The following USP13 variants were observed in gnomAD, a reference collection of about 807,000 sequenced individuals.
USP13 encodes the protein ubiquitin carboxyl-terminal hydrolase 13.
A neutral mutation model predicts 107.8 loss-of-function variants in USP13; 68 were observed. The observed-to-expected ratio is 0.63, with a 90% CI of 0.52 to 0.77. The LOEUF (loss-of-function observed/expected upper bound fraction) is 0.77, where lower values mean the gene tolerates loss of function less well. Ranked by LOEUF, USP13 falls within the 30% of genes least tolerant of loss-of-function variation. The pLI is 0.00. For missense variants in USP13, 945 were observed against 1,093.3 expected (o/e 0.86, Z 1.91); for synonymous variants, 377 against 389.5 (o/e 0.97, Z 0.38).
intron 10 of USP13, among the ~76,000 whole-genome samples, chr3:179,738,780 A>G (rs1434962933): frequency 3.9e-5 from 6 of 152,220 alleles, no homozygotes. Flanking sequence ...ACCTAGCTCA[A>G]GAGTTTCAGA....
At position 179,745,218 on chromosome 3, in the gene USP13, G is replaced by T; in HGVS notation, c.1709+1G>T. ...TACAAGCAAAGTCTGCGGGTGTGAA[G>T]TAAGTGTGTGTATATGTGGTGGCAG... is the stretch of plus-strand genomic sequence containing the variant. On this transcript the variant is annotated splice_donor_variant, in intron 13 of 20. Coordinates refer to ENST00000263966, the MANE Select transcript of USP13 (RefSeq NM_003940.3). LOFTEE classifies it high-confidence loss of function. 1 of 1,470,568 alleles carries T rather than the reference G, an allele frequency of 6.8e-7. No individual in the cohort carries two copies. Among genetic ancestry groups the T allele is most frequent in the African/African-American group, 1.4e-5 (1 of 69,130 alleles). 91.1% of individuals were successfully genotyped at this position (1,470,568 alleles called of 1,614,324 possible).
At chr3:179,655,239 T>G (rs1429452241) in intron 1 of USP13, among the ~76,000 whole-genome samples, 1 of 152,210 alleles carries the variant, frequency 6.6e-6, no homozygotes, top group Non-Finnish European at 1.5e-5. Flanking sequence ...GCTTACAAAC[T>G]TTGCTCTTGG....
chr3:179,684,280 C>CACACAG (rs1553788872), intron 2 of USP13, among the ~76,000 whole-genome samples: 46 of 143,684 alleles, frequency 3.2e-4, no homozygotes, highest in Admixed American at 1.3e-3. Flanking sequence ...TACACACACA[C>CACACAG]ACACACACAC....
At chr3:179,755,456 GC>G (rs1714757881) in intron 15 of USP13, among the ~76,000 whole-genome samples, 1 of 152,022 alleles carries the variant, frequency 6.6e-6, no homozygotes, top group Non-Finnish European at 1.5e-5. Flanking sequence ...CACCATGCCT[GC>G]TTAATTTTTT....
intron 3 of USP13, 143 bp from the exon 4 acceptor site, chr3:179,700,865 C>A: frequency 1.1e-6 from 1 of 943,594 alleles, no homozygotes; most frequent in Non-Finnish European, 1.5e-6. Context: ...AGATGGACGG[C>A]CCTGTCAGAG....
intron 2 of USP13, among the ~76,000 whole-genome samples, chr3:179,682,608 C>T (rs1349433595): frequency 1.3e-5 from 2 of 152,150 alleles, no homozygotes; most frequent in Non-Finnish European, 2.9e-5. Flanking sequence ...CCAAATGTTT[C>T]ATTTCTTTTG....
chr3:179,688,529 G>A (rs562948308), intron 2 of USP13, among the ~76,000 whole-genome samples: 1 of 152,304 alleles, frequency 6.6e-6, no homozygotes, highest in South Asian at 2.1e-4. Flanking sequence ...TGCTGATGGA[G>A]GAGTTTTATT....
chr3:179,765,948 C>G, intron 19 of USP13, 100 bp downstream of exon 19: 1 of 1,186,022 alleles, frequency 8.4e-7, no homozygotes, highest in Admixed American at 2.6e-5. Context: ...TGCCATCATT[C>G]AAAAGTTAGC....
chr3:179,761,314 G>T (rs920520061), intron 17 of USP13, 59 bp downstream of exon 17: 1 of 1,594,204 alleles, frequency 6.3e-7, no homozygotes, highest in Non-Finnish European at 8.6e-7. Context: ...GTGATGCTGA[G>T]TCCTGGTCCT....
chr3:179,725,073 G>A (rs544530706), intron 8 of USP13, among the ~76,000 whole-genome samples: 22 of 152,222 alleles, frequency 1.4e-4, no homozygotes, highest in Admixed American at 6.5e-4. Context: ...TTAGCCAGGC[G>A]TGGTGGTGCG....
chr3:179,739,266 CTCG>C (rs1325687934), intron 10 of USP13, among the ~76,000 whole-genome samples: 4 of 152,198 alleles, frequency 2.6e-5, no homozygotes, highest in African/African-American at 9.7e-5. Flanking sequence ...ATCCAGCATC[CTCG>C]TCCTGCCAGA....
rs114928139 is a variant in USP13, at chr3:179,700,375, T to C, written c.356-633T>C. Among the ~76,000 whole-genome samples, 515 of 152,346 alleles carry C rather than the reference T, an allele frequency of 3.4e-3. 5 individuals are homozygous for C. Among genetic ancestry groups the C allele is most frequent in the African/African-American group, 0.012 (491 of 41,580 alleles). Reference sequence around the variant, plus strand: ...TTTTTAAATAATAGCTAACATTTATTGACTACCTATTATATGCCAAGCCTC... The same window carrying C: ...TTTTTAAATAATAGCTAACATTTATCGACTACCTATTATATGCCAAGCCTC... On this transcript the variant is annotated intron_variant, in intron 3 of 20. Coordinates refer to ENST00000263966, the MANE Select transcript of USP13 (RefSeq NM_003940.3).
At chr3:179,677,791 C>T (rs1309872173) in intron 1 of USP13, among the ~76,000 whole-genome samples, 4 of 151,894 alleles carry the variant, frequency 2.6e-5, no homozygotes, top group African/African-American at 9.7e-5. Flanking sequence ...TACTAGTTGC[C>T]TAGTGTTTTT....
chr3:179,764,313 G>T, intron 18 of USP13, 145 bp downstream of exon 18: 1 of 1,269,662 alleles, frequency 7.9e-7, no homozygotes. Context: ...AGCCCATAAA[G>T]ATTTATTTGC....
intron 3 of USP13, among the ~76,000 whole-genome samples, 165 bp downstream of exon 3, chr3:179,690,466 G>A (rs1298628352): frequency 6.6e-6 from 1 of 152,240 alleles, no homozygotes; most frequent in African/African-American, 2.4e-5. Flanking sequence ...TTACCTACCA[G>A]TGAAGTGTGC....
intron 20 of USP13, among the ~76,000 whole-genome samples, chr3:179,783,197 T>C (rs1189424706): frequency 6.6e-6 from 1 of 152,156 alleles, no homozygotes; most frequent in African/African-American, 2.4e-5. Context: ...AAATTCATAG[T>C]AAATAATTTA....
chr3:179,781,679 C>A (rs945740363), intron 19 of USP13, 60 bp from the exon 20 acceptor site: 13 of 1,476,768 alleles, frequency 8.8e-6, no homozygotes, highest in South Asian at 1.2e-5. Flanking sequence ...AAATTCTAAC[C>A]AGAAGTGCTC....
At chr3:179,680,793 A>G (rs1041236197) in intron 1 of USP13, among the ~76,000 whole-genome samples, 2 of 152,062 alleles carry the variant, frequency 1.3e-5, no homozygotes, top group African/African-American at 2.4e-5. Context: ...CGCCTGTCTC[A>G]GCCTCCCAAA....
Position 179,720,965 on chromosome 3 carries a change from C to T in USP13, c.901-437C>T, listed in dbSNP as rs533097093. Among the ~76,000 whole-genome samples the T allele has an allele frequency of 9.9e-5, 15 of 151,892 alleles. No homozygotes were observed. In the South Asian group the frequency reaches 3.1e-3, roughly 32 times the overall value. On this transcript the variant is annotated intron_variant, in intron 7 of 20. Coordinates refer to ENST00000263966, the MANE Select transcript of USP13 (RefSeq NM_003940.3). ...CTGGGACTAAAGGCATGTGCCACCACACCCAGCTAATTTTTGTATTTTTAG... is the reference window on the plus strand; with the variant it reads ...CTGGGACTAAAGGCATGTGCCACCATACCCAGCTAATTTTTGTATTTTTAG...
Sources: gnomAD v4.1 joint callset for allele counts (sites outside exome capture counted in the v4.1 genomes callset) on GRCh38, gnomAD v4.1.1 for gene constraint, MANE v1.5 for transcripts, NCBI Gene and HGNC (gene_info 2026-07-23, HGNC 2026-07-21) for gene names.